The following CAMK2D variants were observed in gnomAD, a reference collection of about 807,000 sequenced individuals.
CAMK2D encodes calcium/calmodulin-dependent protein kinase type II subunit delta.
A neutral mutation model predicts 84.0 loss-of-function variants in CAMK2D; 37 were observed. That is an observed-to-expected ratio of 0.44 (90% CI 0.34 to 0.58). CAMK2D has a LOEUF of 0.58. CAMK2D is among the 20% of genes least tolerant of loss of function. The pLI is 0.02. For synonymous variants in CAMK2D, 202 were observed against 212.5 expected, an observed-to-expected ratio of 0.95 and a Z score of 0.43; for missense variants, 448 against 652.5, an observed-to-expected ratio of 0.69 and a Z score of 3.41.
chr4:113,494,379 G>A (rs1321062188), intron 16 of CAMK2D, among the ~76,000 whole-genome samples: 2 of 152,130 alleles, frequency 1.3e-5, no homozygotes, highest in African/African-American at 4.8e-5. Context: ...TCAGCTGCAG[G>A]TCTGTTGGAG....
intron 18 of CAMK2D, among the ~76,000 whole-genome samples, 199 bp downstream of exon 18, chr4:113,459,948 A>AT (rs2097353059): frequency 2.0e-5 from 3 of 152,086 alleles, no homozygotes; most frequent in Non-Finnish European, 4.4e-5. Flanking sequence ...TTACAAAGAT[A>AT]TTTTTTAAAA....
rs554101457 is a variant in CAMK2D at position 113,696,359 on chromosome 4, TTTTG to T, written c.161-34591_161-34588del. ...CCATGGAGGTAGGCATTTTCTTCTG[TTTTG>T]ATCCCTGGTATATCACCAGGACCTA... On this transcript the variant is annotated intron_variant, in intron 2 of 20. Coordinates refer to ENST00000511664, the MANE Select transcript of CAMK2D (RefSeq NM_001321571.2). Among the ~76,000 whole-genome samples, 891 of 152,166 alleles carry T rather than the reference TTTTG, an allele frequency of 5.9e-3. 13 individuals carry two copies. Among genetic ancestry groups the T allele is most frequent in the African/African-American group, 0.02 (849 of 41,528 alleles).
At chr4:113,651,487 T>C (rs1309493789) in intron 3 of CAMK2D, among the ~76,000 whole-genome samples, 2 of 152,152 alleles carry the variant, frequency 1.3e-5, no homozygotes, top group Non-Finnish European at 2.9e-5. Context: ...AATGCTATAA[T>C]TGAACTCTAA....
In CAMK2D at chr4:113,712,375, T is replaced by C. The variant is rs905265278; in HGVS notation, c.160+46945A>G. On this transcript the variant is annotated intron_variant, in intron 2 of 20. Transcript: ENST00000511664. ...AATTCATATATTATTTATAGACTTA[T>C]GCTTTAAAGCTGATGGGAAATAGTG... 5.9e-5 allele frequency among the ~76,000 whole-genome samples: 9 copies of C among 152,156 alleles called. No homozygotes were observed. The East Asian group carries it at 1.2e-3, about 20-fold the overall frequency.
chr4:113,693,539 A>G (rs2099394385), intron 2 of CAMK2D, among the ~76,000 whole-genome samples: 2 of 152,190 alleles, frequency 1.3e-5, no homozygotes, highest in Admixed American at 6.5e-5. Context: ...CAGAGGAGAA[A>G]GAACTAATGC....
chr4:113,558,530 T>C (rs1364307040), intron 4 of CAMK2D, among the ~76,000 whole-genome samples: 1 of 152,114 alleles, frequency 6.6e-6, no homozygotes, highest in East Asian at 1.9e-4. Context: ...TGTGCATAGG[T>C]TATAGGCAAA....
chr4:113,759,157 G>A (rs2099635187), intron 2 of CAMK2D, 163 bp downstream of exon 2: 1 of 430,670 alleles, frequency 2.3e-6, no homozygotes, highest in Non-Finnish European at 4.1e-6. Context: ...TTTTTAAGCT[G>A]TACAGACCAA....
At chr4:113,581,567 T>C (rs1422432143) in intron 4 of CAMK2D, among the ~76,000 whole-genome samples, 6 of 149,586 alleles carry the variant, frequency 4.0e-5, no homozygotes, top group Non-Finnish European at 7.4e-5. Context: ...CCAGGCTATG[T>C]GTTAACTTAG....
chr4:113,604,400 G>GA (rs1230803238), intron 4 of CAMK2D, among the ~76,000 whole-genome samples: 2 of 152,088 alleles, frequency 1.3e-5, no homozygotes, highest in Non-Finnish European at 2.9e-5. Context: ...TTCAGTCATT[G>GA]AAAATGCATA....
At chr4:113,753,527 T>C (rs1021911884) in intron 2 of CAMK2D, among the ~76,000 whole-genome samples, 1 of 151,942 alleles carries the variant, frequency 6.6e-6, no homozygotes, top group Non-Finnish European at 1.5e-5. Context: ...AATTTCCCTA[T>C]GCTAGAGTAA....
chr4:113,595,146 C>T (rs1353245607), intron 4 of CAMK2D, among the ~76,000 whole-genome samples: 1 of 151,590 alleles, frequency 6.6e-6, no homozygotes, highest in Non-Finnish European at 1.5e-5. Context: ...AAAACAAAAC[C>T]AAAAAACCCT....
chr4:113,694,330 C>T (rs17046406), intron 2 of CAMK2D, among the ~76,000 whole-genome samples: 3,791 of 152,278 alleles, frequency 0.025, 179 homozygotes, highest in African/African-American at 0.086. Context: ...ATGCTTTCAG[C>T]TCTTGCAATG....
intron 13 of CAMK2D, among the ~76,000 whole-genome samples, chr4:113,505,806 G>A (rs2098121098): frequency 1.3e-5 from 2 of 152,118 alleles, no homozygotes; most frequent in Admixed American, 6.6e-5. Flanking sequence ...TGGAAGCTGC[G>A]TGGTAAAAGC....
chr4:113,644,822 G>C (rs1231221810), intron 3 of CAMK2D, among the ~76,000 whole-genome samples: 1 of 152,034 alleles, frequency 6.6e-6, no homozygotes, highest in Non-Finnish European at 1.5e-5. Context: ...CACAAATAAA[G>C]CTATTTGTCA....
intron 8 of CAMK2D, among the ~76,000 whole-genome samples, chr4:113,519,865 G>A (rs1206618418): frequency 1.3e-5 from 2 of 152,136 alleles, no homozygotes; most frequent in Non-Finnish European, 2.9e-5. Context: ...CAGGCTGAGA[G>A]ATTAAGTAAC....
chr4:113,590,397 C>T (rs1014174838), intron 4 of CAMK2D, among the ~76,000 whole-genome samples: 8 of 152,098 alleles, frequency 5.3e-5, no homozygotes, highest in Admixed American at 1.3e-4. Flanking sequence ...AGGAGAATGA[C>T]AGAACTCCTT....
At chr4:113,586,250 A>G (rs1298112067) in intron 4 of CAMK2D, among the ~76,000 whole-genome samples, 1 of 152,158 alleles carries the variant, frequency 6.6e-6, no homozygotes, top group Non-Finnish European at 1.5e-5. Flanking sequence ...TATCTTTGCA[A>G]TAACACTTGT....
At chr4:113,666,033 T>C (rs906461669) in intron 2 of CAMK2D, among the ~76,000 whole-genome samples, 2 of 152,220 alleles carry the variant, frequency 1.3e-5, no homozygotes, top group Non-Finnish European at 2.9e-5. Flanking sequence ...AGGTGGAAAA[T>C]GTGAATTCAG....
chr4:113,525,956 T>G (rs951941026), intron 8 of CAMK2D, among the ~76,000 whole-genome samples: 10 of 152,138 alleles, frequency 6.6e-5, no homozygotes, highest in Admixed American at 2.0e-4. Flanking sequence ...ACTGTGGTGG[T>G]GATTACAATG....
Sources: allele counts gnomAD v4.1 joint callset (sites outside exome capture counted in the v4.1 genomes callset), GRCh38; gene constraint gnomAD v4.1.1; transcripts MANE v1.5; gene names NCBI Gene and HGNC (gene_info 2026-07-23, HGNC 2026-07-21).